Variants in GALNT13 observed in about 807,000 individuals in gnomAD.
GALNT13 encodes the protein UDP-GalNAc:polypeptide N-acetylgalactosaminyltransferase 13.
In GALNT13, 28 loss-of-function variants were observed where a neutral mutation model predicts 64.2. The observed-to-expected ratio is 0.44, with a 90% CI of 0.32 to 0.60. GALNT13 has a LOEUF of 0.60. Ranked by LOEUF, GALNT13 falls within the 20% of genes least tolerant of loss-of-function variation. GALNT13 has a pLI of 0.05. For missense variants in GALNT13, 577 were observed against 669.8 expected (o/e 0.86, Z 1.53); for synonymous variants, 214 against 224.6 (o/e 0.95, Z 0.42).
At chr2:153,086,228 A>T in the GALNT13 span, among the ~76,000 whole-genome samples, 1 of 152,116 alleles carries the variant, frequency 6.6e-6, no homozygotes, top group Non-Finnish European at 1.5e-5. Flanking sequence ...CTCAGATGAG[A>T]CTTTCTACTG....
the GALNT13 span, among the ~76,000 whole-genome samples, chr2:153,596,965 A>C: frequency 6.6e-6 from 1 of 152,172 alleles, no homozygotes; most frequent in Non-Finnish European, 1.5e-5. Flanking sequence ...TGTTATATGG[A>C]AAACACCCAT....
intron 3 of GALNT13, among the ~76,000 whole-genome samples, chr2:154,087,724 G>T (rs748622042): frequency 6.6e-6 from 1 of 151,996 alleles, no homozygotes; most frequent in Non-Finnish European, 1.5e-5. Context: ...TATATATGTG[G>T]TTCATCTTCC....
At chr2:153,514,876 C>A in the GALNT13 span, among the ~76,000 whole-genome samples, 1 of 152,094 alleles carries the variant, frequency 6.6e-6, no homozygotes, top group Admixed American at 6.5e-5. Context: ...GTAATCGGGA[C>A]GGGACAATGT....
At chr2:153,440,919 T>G in the GALNT13 span, among the ~76,000 whole-genome samples, 54 of 152,320 alleles carry the variant, frequency 3.5e-4, 1 homozygote, top group South Asian at 0.011. Flanking sequence ...CTGATGATAG[T>G]TTCTTTTGCT....
chr2:153,659,058 G>A, the GALNT13 span, among the ~76,000 whole-genome samples: 1 of 151,866 alleles, frequency 6.6e-6, no homozygotes, highest in Non-Finnish European at 1.5e-5. Flanking sequence ...AAATAAAAAG[G>A]ACTGAGAACT....
At chr2:154,424,127 G>A (rs1364979371) in intron 11 of GALNT13, among the ~76,000 whole-genome samples, 1 of 152,162 alleles carries the variant, frequency 6.6e-6, no homozygotes, top group Non-Finnish European at 1.5e-5. Context: ...TATATTGTTG[G>A]ATGGGATCTT....
At chr2:154,419,413 A>G (rs201063398) in intron 11 of GALNT13, among the ~76,000 whole-genome samples, 1 of 152,076 alleles carries the variant, frequency 6.6e-6, no homozygotes, top group Non-Finnish European at 1.5e-5. Context: ...GCTGTTTTTT[A>G]GATTTATCTT....
intron 10 of GALNT13, among the ~76,000 whole-genome samples, chr2:154,406,753 C>T (rs564069119): frequency 1.3e-5 from 2 of 152,166 alleles, no homozygotes; most frequent in African/African-American, 4.8e-5. Context: ...TGCTCTCTTC[C>T]CTTCTAAAAC....
At chr2:154,154,154 A>G (rs1006810395) in intron 4 of GALNT13, among the ~76,000 whole-genome samples, 4 of 152,186 alleles carry the variant, frequency 2.6e-5, no homozygotes. Flanking sequence ...AGGCAGAAAT[A>G]CTCAATTATT....
At chr2:153,647,406 T>G in the GALNT13 span, among the ~76,000 whole-genome samples, 3 of 152,220 alleles carry the variant, frequency 2.0e-5, no homozygotes, top group Admixed American at 1.3e-4. Context: ...TTTCTCCCAT[T>G]CTGTAGGTTG....
At chr2:154,413,677 G>C (rs1003195325) in intron 11 of GALNT13, among the ~76,000 whole-genome samples, 2 of 151,822 alleles carry the variant, frequency 1.3e-5, no homozygotes, top group African/African-American at 4.8e-5. Context: ...CACTTACACT[G>C]TTCTCTGAAA....
intron 9 of GALNT13, among the ~76,000 whole-genome samples, chr2:154,388,569 T>G (rs1418977920): frequency 6.6e-6 from 1 of 152,166 alleles, no homozygotes; most frequent in East Asian, 1.9e-4. Flanking sequence ...ATATTTGGTA[T>G]AAGATAAGAA....
rs1314803109 is a variant in GALNT13, at chr2:154,452,977, G to A, written c.*2426G>A. On this transcript the variant is annotated 3_prime_UTR_variant, in exon 13 of 13. Coordinates refer to ENST00000392825, the MANE Select transcript of GALNT13 (RefSeq NM_052917.4). ...GCAACTTCAACCTTCCAGATGCTCAGGTCAAAAACTGAAAGTTGCTTTTGA... is the reference window on the plus strand; with the variant it reads ...GCAACTTCAACCTTCCAGATGCTCAAGTCAAAAACTGAAAGTTGCTTTTGA... The A allele has an allele frequency of 1.3e-5, 2 of 151,992 alleles. No individual in the cohort carries two copies. The highest frequency in any genetic ancestry group is 4.8e-5 in the African/African-American group (2 of 41,382). 9.4% of individuals were successfully genotyped at this position (151,992 alleles called of 1,614,324 possible). A position where few individuals can be genotyped will look rare whatever the true frequency, so the allele number is the denominator to read the frequency against.
At chr2:153,937,354 A>G (rs1691010288) in intron 2 of GALNT13, among the ~76,000 whole-genome samples, 1 of 152,240 alleles carries the variant, frequency 6.6e-6, no homozygotes, top group South Asian at 2.1e-4. Flanking sequence ...CATTGAAAAC[A>G]TTGTGCTAAA....
chr2:154,360,739 A>G (rs1036800542), intron 9 of GALNT13, among the ~76,000 whole-genome samples: 2 of 152,116 alleles, frequency 1.3e-5, no homozygotes, highest in African/African-American at 4.8e-5. Context: ...ACTGTGTACT[A>G]GAAATTTAAA....
At chr2:153,630,809 T>TATA in the GALNT13 span, among the ~76,000 whole-genome samples, 4 of 14,076 alleles carry the variant, frequency 2.8e-4, no homozygotes, top group Non-Finnish European at 3.6e-4. Flanking sequence ...ATATATATAT[T>TATA]TTTTTTTTTT....
the GALNT13 span, among the ~76,000 whole-genome samples, chr2:153,113,393 G>A: frequency 6.6e-6 from 1 of 151,936 alleles, no homozygotes; most frequent in Non-Finnish European, 1.5e-5. Context: ...AACCCACCTA[G>A]ATTCTCTATT....
chr2:154,212,051 G>A (rs148704314), intron 4 of GALNT13, among the ~76,000 whole-genome samples: 5 of 152,108 alleles, frequency 3.3e-5, no homozygotes, highest in African/African-American at 9.7e-5. Flanking sequence ...TGCATCTTTG[G>A]TGATACACTC....
intron 9 of GALNT13, among the ~76,000 whole-genome samples, chr2:154,337,655 T>C (rs905321710): frequency 1.1e-4 from 16 of 152,238 alleles, no homozygotes; most frequent in Non-Finnish European, 1.8e-4. Flanking sequence ...TTAAATATTT[T>C]TGAGCAATGT....
Sources: allele counts gnomAD v4.1 joint callset (sites outside exome capture counted in the v4.1 genomes callset), GRCh38; gene constraint gnomAD v4.1.1; transcripts MANE v1.5; gene names NCBI Gene and HGNC (gene_info 2026-07-23, HGNC 2026-07-21).